The following ZNF792 variants were observed in gnomAD, a reference collection of about 807,000 sequenced individuals.
ZNF792 encodes zinc finger protein 792.
In ZNF792, 14 loss-of-function variants were observed where a neutral mutation model predicts 13.1. The observed-to-expected ratio is 1.07, with a 90% CI of 0.71 to 1.67. The LOEUF (loss-of-function observed/expected upper bound fraction) is 1.67, where lower values mean the gene tolerates loss of function less well. Ranked by LOEUF, ZNF792 falls within the 40% of genes most tolerant of loss-of-function variation. ZNF792 has a pLI of 0.00. For missense variants in ZNF792, 740 were observed against 807.9 expected (o/e 0.92, Z 1.02); for synonymous variants, 257 against 292.0 (o/e 0.88, Z 1.22).
chr19:34,963,749 C>T lies in ZNF792; in HGVS notation c.-87G>A. The T allele has an allele frequency of 7.2e-7, 1 of 1,393,878 alleles. No individual in the cohort carries two copies. Among genetic ancestry groups the T allele is most frequent in the Non-Finnish European group, 9.6e-7 (1 of 1,041,494 alleles). 86.3% of individuals were successfully genotyped at this position (1,393,878 alleles called of 1,614,324 possible). A position where few individuals can be genotyped will look rare whatever the true frequency, so the allele number is the denominator to read the frequency against. ...TCTCGCAGGCTGAGGCTACCACCCA[C>T]CTGGCCGTGCCCCAGACGAGGTGTG... On this transcript the variant is annotated 5_prime_UTR_variant, in exon 1 of 4. In the 5' UTR this introduces an upstream ATG that the reference lacks. Transcript: ENST00000404801.
intron 1 of ZNF792, among the ~76,000 whole-genome samples, chr19:34,962,200 C>A (rs1355875506): frequency 6.6e-6 from 1 of 152,200 alleles, no homozygotes; most frequent in East Asian, 1.9e-4. Context: ...CCCGTCCACA[C>A]ACCAGATGTC....
At position 34,958,504 on chromosome 19, in the gene ZNF792, C is replaced by T. The variant is rs1446308709; in HGVS notation, c.1351G>A (p.Gly451Arg). 5 of 1,593,158 alleles carry T rather than the reference C, an allele frequency of 3.1e-6. No individual in the cohort carries two copies. Among genetic ancestry groups the T allele is most frequent in the African/African-American group, 1.3e-5 (1 of 74,496 alleles). ...AAGGCTTTCCCACACTCACCACACC[C>T]GTGAGGCCGCTCGCCAGTGTGAACT... ...QIVHTGERPH[G>R]CGECGKAFSR... Residue 451 changes from glycine (G) to arginine (R), a missense_variant, in exon 4 of 4, where the codon GGG becomes AGG. Transcript: ENST00000404801.
rs974207983 is a variant in ZNF792 at position 34,957,758 on chromosome 19, C to A, written c.*198G>T. On this transcript the variant is annotated 3_prime_UTR_variant, in exon 4 of 4. Transcript: ENST00000404801. ...CAAGGCTTCAGACTACTCCTAATTC[C>A]CTTTAGGGATTGGAAAGAGAGAGGA... is the stretch of plus-strand genomic sequence containing the variant. 1.0e-5 allele frequency: 6 copies of A among 574,862 alleles called. No individual in the cohort carries two copies. The highest frequency in any genetic ancestry group is 1.8e-5 in the Non-Finnish European group (6 of 334,076). 35.6% of individuals were successfully genotyped at this position (574,862 alleles called of 1,614,324 possible).
chr19:34,959,709 A>G lies in ZNF792; in HGVS notation c.284-138T>C, dbSNP rs75700955. On this transcript the variant is annotated intron_variant, in intron 3 of 3. Coordinates refer to ENST00000404801, the MANE Select transcript of ZNF792 (RefSeq NM_175872.5). ...AAGAAGGCTCAGGTCAGGGTAAGGA[A>G]TAATCTGCTCCGCCATACTGTGCCT... The G allele has an allele frequency of 3.8e-3, 3,667 of 957,324 alleles. 97 individuals are homozygous for G. The African/African-American group carries it at 0.054, about 14-fold the overall frequency. The allele number at this position is 957,324 out of a possible 1,614,324, so 59.3% of individuals were successfully genotyped here. A position where few individuals can be genotyped will look rare whatever the true frequency, so the allele number is the denominator to read the frequency against.
intron 1 of ZNF792, among the ~76,000 whole-genome samples, chr19:34,963,373 C>A (rs1045957723): frequency 2.0e-5 from 3 of 152,054 alleles, no homozygotes; most frequent in African/African-American, 7.3e-5. Context: ...CAAGCTTTTG[C>A]GCACGCTGGT....
At chr19:34,961,470 C>T (rs1386912308) in intron 1 of ZNF792, among the ~76,000 whole-genome samples, 2 of 152,146 alleles carry the variant, frequency 1.3e-5, no homozygotes, top group South Asian at 2.1e-4. Context: ...AGTCACTCTG[C>T]ACATGGCATC....
chr19:34,959,667 G>A (rs1216983366), intron 3 of ZNF792, 96 bp from the exon 4 acceptor site: 1 of 1,331,832 alleles, frequency 7.5e-7, no homozygotes, highest in African/African-American at 1.5e-5. Context: ...ATAAGCCCAT[G>A]GGATTGTTGG....
In ZNF792 at chr19:34,960,264, G is replaced by T; in HGVS notation, c.254C>A (p.Ala85Asp). Residue 85 changes from alanine to aspartate, a missense_variant, in exon 3 of 4, where the codon GCC becomes GAC. Transcript: ENST00000404801. ...GCCAGGCCTGCCATAAGCCCCTCTG[G>T]CCATGGCTGATGTCATATCCACACT... ...PDSVDMTSAM[A>D]RGAYGRPGSD... 6.2e-7 allele frequency: 1 copy of T among 1,613,840 alleles called. No individual in the cohort carries two copies. Among genetic ancestry groups the T allele is most frequent in the Non-Finnish European group, 8.5e-7 (1 of 1,179,816 alleles).
chr19:34,958,259 C>A lies in ZNF792; in HGVS notation c.1596G>T (p.Arg532=). 1 of 1,614,014 alleles carries A rather than the reference C, an allele frequency of 6.2e-7. No individual in the cohort carries two copies. The highest frequency in any genetic ancestry group is 8.5e-7 in the Non-Finnish European group (1 of 1,179,920). Residue 532 remains arginine (R), a synonymous_variant, in exon 4 of 4, where the codon CGG becomes CGT. Transcript: ENST00000404801. ...NNHRRLHTGE[R]PYECSECGKT... is the part of the protein sequence containing the mutation. The stretch of plus-strand genomic sequence containing the variant: ...TCCCACATTCGCTGCACTCATAAGG[C>A]CGCTCGCCGGTGTGAAGTCTCCGGT...
chr19:34,963,719 G>T lies in ZNF792; in HGVS notation c.-57C>A. On this transcript the variant is annotated 5_prime_UTR_variant, in exon 1 of 4. Coordinates refer to ENST00000404801, the MANE Select transcript of ZNF792 (RefSeq NM_175872.5). ...TGCGGGAAACCACGGGGCGGGGGTAGGGGGTCTCGCAGGCTGAGGCTACCA... is the reference window on the plus strand; with the variant it reads ...TGCGGGAAACCACGGGGCGGGGGTATGGGGTCTCGCAGGCTGAGGCTACCA... 2.6e-6 allele frequency: 4 copies of T among 1,513,826 alleles called. No individual in the cohort carries two copies. The highest frequency in any genetic ancestry group is 3.5e-6 in the Non-Finnish European group (4 of 1,131,856). 93.8% of individuals were successfully genotyped at this position (1,513,826 alleles called of 1,614,324 possible).
In ZNF792 at chr19:34,958,578, T is replaced by A. The variant is rs763880085; in HGVS notation, c.1277A>T (p.Glu426Val). ...AATGTGGCTGAAGAATTTCCCACAT[T>A]CGTTACACTTGTAAGGTCTTTCTCC... ...HTGERPYKCN[E>V]CGKFFSHIAS... Residue 426 changes from glutamate (E) to valine (V), a missense_variant, in exon 4 of 4, where the codon GAA becomes GTA. Transcript: ENST00000404801. 3.1e-6 allele frequency: 5 copies of A among 1,604,130 alleles called. No individual in the cohort carries two copies. In the South Asian group the frequency reaches 4.5e-5, roughly 14 times the overall value.
rs2546028 is a variant in ZNF792 at position 34,963,700 on chromosome 19, A to C, written c.-38T>G. Reference sequence around the variant, plus strand: ...TCAGAGCAGGGCCCCACGGTGCGGGAAACCACGGGGCGGGGGTAGGGGGTC... The same window carrying C: ...TCAGAGCAGGGCCCCACGGTGCGGGCAACCACGGGGCGGGGGTAGGGGGTC... On this transcript the variant is annotated 5_prime_UTR_variant, in exon 1 of 4. Transcript: ENST00000404801. 0.55 allele frequency: 853,050 copies of C among 1,551,428 alleles called. 238,037 individuals carry two copies. The highest frequency in any genetic ancestry group is 0.81 in the African/African-American group (58,268 of 71,992).
chr19:34,956,763 G>A lies in ZNF792; in HGVS notation c.*1193C>T, dbSNP rs924625643. On this transcript the variant is annotated 3_prime_UTR_variant, in exon 4 of 4. Transcript: ENST00000404801. ...AGATACTACAGTCCCTATAGTATAG[G>A]ATCTGCTTTTTCTCAGTCCCTATTT... 1 of 152,192 alleles carries A rather than the reference G, an allele frequency of 6.6e-6. No individual in the cohort carries two copies. Among genetic ancestry groups the A allele is most frequent in the Non-Finnish European group, 1.5e-5 (1 of 68,052 alleles). 9.4% of individuals were successfully genotyped at this position (152,192 alleles called of 1,614,324 possible).
intron 2 of ZNF792, chr19:34,960,652 C>T (rs2013513983): frequency 1.3e-6 from 1 of 755,396 alleles, no homozygotes; most frequent in Non-Finnish European, 2.1e-6. Context: ...CCTGGAGCTT[C>T]CCTGCAAGGC....
rs566318179 is a variant in ZNF792 at position 34,964,206 on chromosome 19, A to C, written c.-544T>G. Reference sequence around the variant, plus strand: ...GCGAGTTTCTGCCCAGCCTCTCGTCAGGCTGAGGGTCCAGGGCGGGAAGGA... The same window carrying C: ...GCGAGTTTCTGCCCAGCCTCTCGTCCGGCTGAGGGTCCAGGGCGGGAAGGA... On this transcript the variant is annotated 5_prime_UTR_variant, in exon 1 of 4. Transcript: ENST00000404801. 1.1e-4 allele frequency among the ~76,000 whole-genome samples: 17 copies of C among 152,092 alleles called. No homozygotes were observed. In the East Asian group the frequency reaches 3.1e-3, roughly 28 times the overall value.
intron 1 of ZNF792, 141 bp downstream of exon 1, chr19:34,963,489 T>C: frequency 1.6e-6 from 2 of 1,237,596 alleles, no homozygotes; most frequent in Non-Finnish European, 2.3e-6. Context: ...TGGGAGCAAC[T>C]CCCTTCCAGG....
At position 34,959,467 on chromosome 19, in the gene ZNF792, T is replaced by C; in HGVS notation, c.388A>G (p.Lys130Glu). 2 of 1,613,732 alleles carry C rather than the reference T, an allele frequency of 1.2e-6. No individual in the cohort carries two copies. The highest frequency in any genetic ancestry group is 1.7e-6 in the Non-Finnish European group (2 of 1,179,722). ...CCACATATGTCACAGGGGCAGGTCT[T>C]CTGGGGGCACAGAGTTGCCTCGGGA... Reference protein sequence around the residue: ...RSPEATLCPQKTCPCDICGLR... With the variant: ...RSPEATLCPQETCPCDICGLR... Residue 130 changes from lysine (K) to glutamate (E), a missense_variant, in exon 4 of 4, where the codon AAG (lysine) becomes GAG (glutamate). Coordinates refer to ENST00000404801, the MANE Select transcript of ZNF792 (RefSeq NM_175872.5).
chr19:34,962,566 A>C (rs1270813916), intron 1 of ZNF792, among the ~76,000 whole-genome samples: 1 of 152,208 alleles, frequency 6.6e-6, no homozygotes, highest in East Asian at 1.9e-4. Flanking sequence ...TACTTCCTGG[A>C]TTGTCAGTCC....
chr19:34,961,271 A>G (rs2013524477), intron 1 of ZNF792, among the ~76,000 whole-genome samples: 1 of 152,028 alleles, frequency 6.6e-6, no homozygotes, highest in Non-Finnish European at 1.5e-5. Context: ...TCAGATACAA[A>G]TGTGGGCTTC....
Sources: gnomAD v4.1 joint callset for allele counts (sites outside exome capture counted in the v4.1 genomes callset) on GRCh38, gnomAD v4.1.1 for gene constraint, MANE v1.5 for transcripts, NCBI Gene and HGNC (gene_info 2026-07-23, HGNC 2026-07-21) for gene names.